The following DMD variants were observed in gnomAD, a reference collection of about 807,000 sequenced individuals.
The protein encoded by DMD is dystrophin, also known as mutant dystrophin.
A neutral mutation model predicts 330.1 loss-of-function variants in DMD; 63 were observed. That is an observed-to-expected ratio of 0.19 (90% CI 0.16 to 0.24). The LOEUF is 0.24. DMD is among the 10% of genes least tolerant of loss of function. The pLI is 1.00. For missense variants in DMD, 3,344 were observed against 2,684.1 expected, an observed-to-expected ratio of 1.25 and a Z score of -5.43; for synonymous variants, 1,223 against 959.8, an observed-to-expected ratio of 1.27 and a Z score of -5.07.
intron 47 of DMD, among the ~76,000 whole-genome samples, chrX:31,907,957 T>G (rs184959676): frequency 8.9e-6 from 1 of 112,149 alleles, no homozygotes; most frequent in African/African-American, 3.2e-5. Flanking sequence ...AACAGACACA[T>G]GAAAAAATGC....
At chrX:31,298,404 C>CACACACACAT (rs1556458590) in intron 62 of DMD, among the ~76,000 whole-genome samples, 12 of 100,520 alleles carry the variant, frequency 1.2e-4, no homozygotes, top group African/African-American at 4.5e-4. Context: ...CACACACACA[C>CACACACACAT]ACACATACAC....
chrX:33,176,763 C>T (rs2049685951), intron 1 of DMD, among the ~76,000 whole-genome samples: 1 of 110,631 alleles, frequency 9.0e-6, no homozygotes, highest in Non-Finnish European at 1.9e-5. Flanking sequence ...TGGTGAAACC[C>T]CATCTCTACT....
At chrX:31,122,360 T>G (rs2032789771) in intron 78 of DMD, among the ~76,000 whole-genome samples, 1 of 111,213 alleles carries the variant, frequency 9.0e-6, no homozygotes, top group Non-Finnish European at 1.9e-5. Context: ...ACGAACATTT[T>G]TTTTACTATC....
intron 55 of DMD, among the ~76,000 whole-genome samples, chrX:31,618,273 G>A (rs2078331381): frequency 9.1e-6 from 1 of 110,023 alleles, no homozygotes; most frequent in South Asian, 3.9e-4. Flanking sequence ...AGGAATGAGT[G>A]CTTAGAGAGA....
intron 7 of DMD, among the ~76,000 whole-genome samples, chrX:32,797,054 A>G (rs1163507245): frequency 8.9e-6 from 1 of 111,789 alleles, no homozygotes; most frequent in Non-Finnish European, 1.9e-5. Flanking sequence ...CCTAATATCT[A>G]TTTTTCCAGT....
At chrX:32,350,659 C>T (rs2097778407) in intron 37 of DMD, among the ~76,000 whole-genome samples, 1 of 111,001 alleles carries the variant, frequency 9.0e-6, no homozygotes, top group East Asian at 2.8e-4. Flanking sequence ...CCAGTTCCAG[C>T]CTGTGCCCAA....
chrX:31,628,163 T>C lies in DMD; in HGVS notation c.8028-301A>G, dbSNP rs184518060. 2.8e-3 allele frequency among the ~76,000 whole-genome samples: 317 copies of C among 111,798 alleles called. 3 individuals carry two copies. The highest frequency in any genetic ancestry group is 9.7e-3 in the African/African-American group (298 of 30,835). ...TATATATGTGAAATATATATACATA[T>C]ATTTGAACATGTGAAAGTTCAAAGT... On this transcript the variant is annotated intron_variant, in intron 54 of 78. Coordinates refer to ENST00000357033, the MANE Select transcript of DMD (RefSeq NM_004006.3).
At chrX:31,786,349 A>G (rs930280265) in intron 50 of DMD, among the ~76,000 whole-genome samples, 3 of 111,407 alleles carry the variant, frequency 2.7e-5, no homozygotes, top group African/African-American at 9.8e-5. Context: ...TTTAAAAGGG[A>G]ATTCATAGAC....
intron 13 of DMD, among the ~76,000 whole-genome samples, chrX:32,587,483 T>G (rs1199665697): frequency 8.9e-6 from 1 of 112,245 alleles, no homozygotes; most frequent in African/African-American, 3.2e-5. Flanking sequence ...TATTTTGCCA[T>G]TATATTCAGA....
chrX:31,950,821 T>G (rs1384962068), intron 45 of DMD, among the ~76,000 whole-genome samples: 1 of 109,653 alleles, frequency 9.1e-6, no homozygotes, highest in Non-Finnish European at 1.9e-5. Context: ...ATGTAAACAA[T>G]TTGCATAGTA....
At position 32,097,275 on chromosome X, in the gene DMD, G is replaced by A. The variant is rs1296657461; in HGVS notation, c.6438+119641C>T. ...TGCCCCCCACCTCGCGACAGGCCTC[G>A]GTGTGTGATGTTCCCCTCCCGGTGT... On this transcript the variant is annotated intron_variant, in intron 44 of 78. Coordinates refer to ENST00000357033, the MANE Select transcript of DMD (RefSeq NM_004006.3). 8.2e-5 allele frequency among the ~76,000 whole-genome samples: 9 copies of A among 110,343 alleles called. No homozygotes were observed. In the East Asian group the frequency reaches 2.6e-3, roughly 32 times the overall value.
chrX:32,823,740 C>T (rs2078470386), intron 4 of DMD, among the ~76,000 whole-genome samples: 2 of 111,512 alleles, frequency 1.8e-5, no homozygotes, highest in Admixed American at 1.9e-4. Context: ...CCACCTAGCT[C>T]CAAGGAGTGC....
intron 9 of DMD, among the ~76,000 whole-genome samples, chrX:32,694,649 TTA>T (rs1285839280): frequency 7.9e-5 from 8 of 101,141 alleles, no homozygotes; most frequent in African/African-American, 3.8e-4. Flanking sequence ...ATCATACCAT[TTA>T]TTTTTTTTAT....
Position 32,328,051 on chromosome X carries a change from T to C in DMD, c.5922+14049A>G, listed in dbSNP as rs745552820. Reference sequence around the variant, plus strand: ...AAATGATGAACGTTAGAGTCTTTTGTCAATCACAAATAATTATGTTAATTA... The same window carrying C: ...AAATGATGAACGTTAGAGTCTTTTGCCAATCACAAATAATTATGTTAATTA... On this transcript the variant is annotated intron_variant, in intron 41 of 78. Transcript: ENST00000357033. 3.6e-5 allele frequency among the ~76,000 whole-genome samples: 4 copies of C among 111,956 alleles called. No individual in the cohort carries two copies. The East Asian group carries it at 1.1e-3, about 32-fold the overall frequency.
At chrX:31,950,756 A>G (rs1465523974) in intron 45 of DMD, among the ~76,000 whole-genome samples, 1 of 110,057 alleles carries the variant, frequency 9.1e-6, no homozygotes, top group Non-Finnish European at 1.9e-5. Context: ...CTTGTTACAT[A>G]TTTTGTCATA....
intron 2 of DMD, among the ~76,000 whole-genome samples, chrX:33,000,897 T>G (rs2093264091): frequency 8.9e-6 from 1 of 111,741 alleles, no homozygotes; most frequent in Non-Finnish European, 1.9e-5. Flanking sequence ...TTCTCAGGAT[T>G]CCTATATATC....
At chrX:32,785,472 C>T (rs1417964734) in intron 7 of DMD, among the ~76,000 whole-genome samples, 1 of 111,449 alleles carries the variant, frequency 9.0e-6, no homozygotes, top group Non-Finnish European at 1.9e-5. Flanking sequence ...TTGCTATGTT[C>T]TTCACTAGTC....
chrX:32,605,311 C>T (rs1179713511), intron 12 of DMD, among the ~76,000 whole-genome samples: 1 of 110,384 alleles, frequency 9.1e-6, no homozygotes, highest in Non-Finnish European at 1.9e-5. Flanking sequence ...GGGGAAAGGA[C>T]ATCCTATTCA....
chrX:31,698,673 T>C (rs2083601320), intron 52 of DMD, among the ~76,000 whole-genome samples: 2 of 112,410 alleles, frequency 1.8e-5, no homozygotes, highest in Non-Finnish European at 3.8e-5. Flanking sequence ...GAAACATATA[T>C]GCTAACCATG....
Sources: allele counts gnomAD v4.1 joint callset (sites outside exome capture counted in the v4.1 genomes callset), GRCh38; gene constraint gnomAD v4.1.1; transcripts MANE v1.5; gene names NCBI Gene and HGNC (gene_info 2026-07-23, HGNC 2026-07-21).